The following SEMA5A variants were observed in gnomAD, a reference collection of about 807,000 sequenced individuals.
SEMA5A encodes semaphorin 5A.
Under a neutral mutation model 135.5 loss-of-function variants are expected in SEMA5A, and 55 were observed. The ratio of observed to expected loss-of-function variants is 0.41; its 90% CI spans 0.33 to 0.51. The LOEUF (loss-of-function observed/expected upper bound fraction) is 0.51, where lower values mean the gene tolerates loss of function less well. Ranked by LOEUF, SEMA5A falls within the 20% of genes least tolerant of loss-of-function variation. The probability of loss-of-function intolerance (pLI) is 0.37; values close to 1 mark genes in which losing one functional copy is unlikely to be tolerated. For missense variants in SEMA5A, 1,290 were observed against 1,419.9 expected, an observed-to-expected ratio of 0.91 and a Z score of 1.47; for synonymous variants, 580 against 546.5, an observed-to-expected ratio of 1.06 and a Z score of -0.85.
At chr5:9,265,584 G>A (rs1287560180) in intron 5 of SEMA5A, 1 of 455,538 alleles carries the variant, frequency 2.2e-6, no homozygotes, top group East Asian at 7.0e-5. Context: ...GATCTCATCT[G>A]TCCAGTGCCT....
At chr5:9,147,185 TG>T (rs1191439701) in intron 12 of SEMA5A, among the ~76,000 whole-genome samples, 40 of 152,328 alleles carry the variant, frequency 2.6e-4, no homozygotes, top group African/African-American at 9.6e-4. Context: ...AATTTTTTGA[TG>T]AGGTGTTAAT....
intron 16 of SEMA5A, among the ~76,000 whole-genome samples, chr5:9,079,888 C>T (rs1371633352): frequency 1.3e-5 from 2 of 152,114 alleles, no homozygotes; most frequent in Non-Finnish European, 2.9e-5. Context: ...ATTAAAAAGT[C>T]AGGAAACAAC....
Position 9,458,419 on chromosome 5 carries a change from A to G in SEMA5A, c.-174-20567T>C, listed in dbSNP as rs541084130. ...AAATAATGTAGAACCCATAAACCCTAAACTAAGATGAACATTTGCCAATGA... is the reference window on the plus strand; with the variant it reads ...AAATAATGTAGAACCCATAAACCCTGAACTAAGATGAACATTTGCCAATGA... On this transcript the variant is annotated intron_variant, in intron 1 of 22. Coordinates refer to ENST00000382496, the MANE Select transcript of SEMA5A (RefSeq NM_003966.3). Among the ~76,000 whole-genome samples the G allele has an allele frequency of 2.6e-5, 4 of 152,304 alleles. No homozygotes were observed. The East Asian group carries it at 7.7e-4, about 29-fold the overall frequency.
intron 11 of SEMA5A, among the ~76,000 whole-genome samples, chr5:9,183,437 G>A (rs1448928275): frequency 6.6e-6 from 1 of 152,172 alleles, no homozygotes; most frequent in Non-Finnish European, 1.5e-5. Context: ...CCAGAAGCGT[G>A]CGATCTCATC....
intron 10 of SEMA5A, among the ~76,000 whole-genome samples, chr5:9,195,315 G>T (rs2150356091): frequency 6.6e-6 from 1 of 152,226 alleles, no homozygotes; most frequent in Non-Finnish European, 1.5e-5. Flanking sequence ...ATAGATGCAT[G>T]ACACCGTGCC....
At chr5:9,483,959 C>G (rs1759979885) in intron 1 of SEMA5A, among the ~76,000 whole-genome samples, 3 of 152,132 alleles carry the variant, frequency 2.0e-5, no homozygotes, top group Non-Finnish European at 2.9e-5. Flanking sequence ...TATCAACAGA[C>G]AGGAAGTAAC....
chr5:9,225,046 G>C (rs1262319589), intron 7 of SEMA5A, among the ~76,000 whole-genome samples, 159 bp from the exon 8 acceptor site: 3 of 152,080 alleles, frequency 2.0e-5, no homozygotes, highest in Non-Finnish European at 4.4e-5. Flanking sequence ...CTGATGTAAA[G>C]AGCCTACTCT....
intron 8 of SEMA5A, among the ~76,000 whole-genome samples, chr5:9,218,588 C>A (rs1342727342): frequency 6.6e-6 from 1 of 152,194 alleles, no homozygotes; most frequent in East Asian, 1.9e-4. Context: ...CTATACCCTC[C>A]CAACTTCTCC....
intron 4 of SEMA5A, among the ~76,000 whole-genome samples, chr5:9,320,732 G>T (rs1205589594): frequency 6.6e-6 from 1 of 152,050 alleles, no homozygotes; most frequent in Non-Finnish European, 1.5e-5. Flanking sequence ...ACAACAAAAA[G>T]TCCTTTTCAG....
At chr5:9,169,493 G>C (rs969983591) in intron 11 of SEMA5A, among the ~76,000 whole-genome samples, 1 of 152,164 alleles carries the variant, frequency 6.6e-6, no homozygotes, top group East Asian at 1.9e-4. Flanking sequence ...CCCTTGTTTA[G>C]TACTTACTAA....
intron 1 of SEMA5A, among the ~76,000 whole-genome samples, chr5:9,540,247 A>G (rs918795695): frequency 6.6e-6 from 1 of 152,160 alleles, no homozygotes; most frequent in Non-Finnish European, 1.5e-5. Flanking sequence ...ATTCTGTATC[A>G]GTGAAAGACT....
chr5:9,450,843 T>C (rs1470693710), intron 1 of SEMA5A, among the ~76,000 whole-genome samples: 1 of 152,338 alleles, frequency 6.6e-6, no homozygotes, highest in East Asian at 1.9e-4. Context: ...TGTGCTTGAC[T>C]TCAAAATGTG....
chr5:9,210,606 A>G (rs1367389023), intron 8 of SEMA5A, among the ~76,000 whole-genome samples: 1 of 152,148 alleles, frequency 6.6e-6, no homozygotes, highest in Non-Finnish European at 1.5e-5. Context: ...CTAAAGTGCC[A>G]ACTAAACAAA....
chr5:9,151,359 T>G (rs528455085), intron 12 of SEMA5A, among the ~76,000 whole-genome samples: 5 of 152,162 alleles, frequency 3.3e-5, no homozygotes, highest in Non-Finnish European at 7.3e-5. Context: ...ATAAGACTGG[T>G]TTTCCAATAA....
At chr5:9,178,428 T>C (rs1744325321) in intron 11 of SEMA5A, among the ~76,000 whole-genome samples, 1 of 150,318 alleles carries the variant, frequency 6.7e-6, no homozygotes, top group Non-Finnish European at 1.5e-5. Flanking sequence ...ATCTCCCGGG[T>C]TCAAGTGATT....
At position 9,324,507 on chromosome 5, in the gene SEMA5A, A is replaced by C. The variant is rs189339270; in HGVS notation, c.225-6090T>G. ...CTCTTTCCTTGAACTATTTGGCCCCACATACAACTCCAAATGCATTTTTGC... is the reference window on the plus strand; with the variant it reads ...CTCTTTCCTTGAACTATTTGGCCCCCCATACAACTCCAAATGCATTTTTGC... On this transcript the variant is annotated intron_variant, in intron 4 of 22. Transcript: ENST00000382496. 1.8e-4 allele frequency among the ~76,000 whole-genome samples: 27 copies of C among 152,294 alleles called. No homozygotes were observed. In the East Asian group the frequency reaches 4.8e-3, roughly 27 times the overall value.
intron 12 of SEMA5A, among the ~76,000 whole-genome samples, chr5:9,147,094 G>T (rs1296913667): frequency 6.6e-6 from 1 of 152,196 alleles, no homozygotes; most frequent in East Asian, 1.9e-4. Flanking sequence ...ATTAAGAAAG[G>T]TGTCAACCTA....
At chr5:9,250,514 C>T (rs72741961) in intron 5 of SEMA5A, among the ~76,000 whole-genome samples, 15 of 152,108 alleles carry the variant, frequency 9.9e-5, no homozygotes, top group African/African-American at 2.4e-4. Context: ...GAAAAAAGAC[C>T]GAATTCATAC....
At chr5:9,215,937 T>C (rs776797817) in intron 8 of SEMA5A, among the ~76,000 whole-genome samples, 6 of 152,168 alleles carry the variant, frequency 3.9e-5, no homozygotes, top group Non-Finnish European at 8.8e-5. Context: ...ATGAGCACTG[T>C]GGGGCTCAGA....
Sources: gnomAD v4.1 joint callset for allele counts (sites outside exome capture counted in the v4.1 genomes callset) on GRCh38, gnomAD v4.1.1 for gene constraint, MANE v1.5 for transcripts, NCBI Gene and HGNC (gene_info 2026-07-23, HGNC 2026-07-21) for gene names.